Variants in PCDHA5 observed in about 807,000 individuals in gnomAD.
PCDHA5 encodes the protein protocadherin alpha-5.
PCDHA5 carries 43 observed loss-of-function variants against 61.6 expected under a neutral mutation model. That is an observed-to-expected ratio of 0.70 (90% CI 0.55 to 0.90). The LOEUF is 0.90. Among genes scored for constraint, PCDHA5 ranks in the 40% least tolerant of loss-of-function variants. The probability of loss-of-function intolerance (pLI) is 0.00; values close to 1 mark genes in which losing one functional copy is unlikely to be tolerated. For missense variants in PCDHA5, 1,298 were observed against 1,222.7 expected (o/e 1.06, Z -0.92); for synonymous variants, 627 against 543.9 (o/e 1.15, Z -2.13).
chr5:140,868,954 C>T (rs192231), intron 1 of PCDHA5: 649,749 of 1,346,616 alleles, frequency 0.48, 158,482 homozygotes, highest in South Asian at 0.57. Flanking sequence ...GTGAGGCACT[C>T]CCATACAAAG....
chr5:140,871,649 G>A (rs781859029), intron 1 of PCDHA5: 23 of 1,265,706 alleles, frequency 1.8e-5, no homozygotes, highest in Admixed American at 8.7e-5. Flanking sequence ...AATACCAAAT[G>A]ATACACATCT....
intron 3 of PCDHA5, among the ~76,000 whole-genome samples, chr5:141,006,156 TA>T (rs1554260585): frequency 6.6e-6 from 1 of 151,588 alleles, no homozygotes; most frequent in East Asian, 1.9e-4. Flanking sequence ...AGGAGTGATA[TA>T]ATCTGATTTA....
rs2096251750 is a variant in PCDHA5 at position 140,968,509 on chromosome 5, C to T, written c.2353-10440C>T. 3 of 1,614,162 alleles carry T rather than the reference C, an allele frequency of 1.9e-6. No individual in the cohort carries two copies. In the South Asian group the frequency reaches 3.3e-5, roughly 18 times the overall value. On this transcript the variant is annotated intron_variant, in intron 1 of 3. Coordinates refer to ENST00000529859, the MANE Select transcript of PCDHA5 (RefSeq NM_018908.3). Reference sequence around the variant, plus strand: ...ATGACCATGCCCCTCACATTCTGTACCCTACCTCAACCAACTCGTCAGCAG... The same window carrying T: ...ATGACCATGCCCCTCACATTCTGTATCCTACCTCAACCAACTCGTCAGCAG...
At chr5:140,852,255 T>A (rs1554145733) in intron 1 of PCDHA5, 1 of 511,528 alleles carries the variant, frequency 2.0e-6, no homozygotes, top group Middle Eastern at 9.9e-4. Context: ...ACTTTTGGAA[T>A]ATGCTACAAT....
At chr5:140,882,860 A>G in intron 1 of PCDHA5, 1 of 1,614,218 alleles carries the variant, frequency 6.2e-7, no homozygotes, top group Non-Finnish European at 8.5e-7. Context: ...TGTACTGAGG[A>G]AAACACTGGA....
chr5:140,939,311 C>A (rs972598257), intron 1 of PCDHA5, among the ~76,000 whole-genome samples: 1 of 152,130 alleles, frequency 6.6e-6, no homozygotes, highest in African/African-American at 2.4e-5. Flanking sequence ...AAAGCCCTAC[C>A]TCCTAATATC....
At chr5:140,855,892 G>T (rs1227119052) in intron 1 of PCDHA5, 2 of 1,011,396 alleles carry the variant, frequency 2.0e-6, no homozygotes, top group Non-Finnish European at 1.4e-6. Flanking sequence ...TAGAACAAAG[G>T]CATCAGCCAG....
intron 1 of PCDHA5, among the ~76,000 whole-genome samples, chr5:140,899,678 G>C (rs1554188694): frequency 6.6e-6 from 1 of 152,210 alleles, no homozygotes; most frequent in Non-Finnish European, 1.5e-5. Flanking sequence ...TTGGTATCAG[G>C]ATGATGCTGG....
chr5:140,967,368 A>G (rs2096133589), intron 1 of PCDHA5: 1 of 1,607,738 alleles, frequency 6.2e-7, no homozygotes, highest in Non-Finnish European at 8.5e-7. Flanking sequence ...AAGCCCCTGC[A>G]GGAGAACAGT....
At chr5:140,882,611 C>T in intron 1 of PCDHA5, 1 of 1,614,252 alleles carries the variant, frequency 6.2e-7, no homozygotes, top group Non-Finnish European at 8.5e-7. Context: ...CAGGCCTCTG[C>T]AGGTTTTCCA....
At chr5:140,987,227 A>T (rs1410526870) in intron 3 of PCDHA5, among the ~76,000 whole-genome samples, 2 of 151,696 alleles carry the variant, frequency 1.3e-5, no homozygotes, top group African/African-American at 4.8e-5. Context: ...AAAAAAAAAA[A>T]TAATAAATAA....
At chr5:140,972,797 G>A (rs1563419152) in intron 1 of PCDHA5, among the ~76,000 whole-genome samples, 3 of 151,664 alleles carry the variant, frequency 2.0e-5, no homozygotes, top group Admixed American at 2.0e-4. Flanking sequence ...CTGAGTAGCT[G>A]AGATTACAGG....
intron 1 of PCDHA5, among the ~76,000 whole-genome samples, chr5:140,953,627 T>C (rs1298172951): frequency 6.6e-6 from 1 of 152,178 alleles, no homozygotes; most frequent in Non-Finnish European, 1.5e-5. Context: ...ATTTGCTTTA[T>C]GTATTTTGGC....
rs375332226 is a variant in PCDHA5 at position 141,003,567 on chromosome 5, ACTCCCAAAGTG to A, written c.2501-6057_2501-6047del. Among the ~76,000 whole-genome samples, 186 of 152,020 alleles carry A rather than the reference ACTCCCAAAGTG, an allele frequency of 1.2e-3. 1 individual carries two copies. Among genetic ancestry groups the A allele is most frequent in the African/African-American group, 4.1e-3 (172 of 41,464 alleles). On this transcript the variant is annotated intron_variant, in intron 3 of 3. Coordinates refer to ENST00000529859, the MANE Select transcript of PCDHA5 (RefSeq NM_018908.3). ...GCTTCAAGTGATCCACCTGCCTCAGACTCCCAAAGTGCTGGGATTTTAGATGTGAGCCACCA... is the reference window on the plus strand; with the variant it reads ...GCTTCAAGTGATCCACCTGCCTCAGACTGGGATTTTAGATGTGAGCCACCA...
At chr5:140,850,216 A>G (rs1390676090) in intron 1 of PCDHA5, 5 of 1,593,446 alleles carry the variant, frequency 3.1e-6, no homozygotes, top group Non-Finnish European at 4.3e-6. Flanking sequence ...AGGGGCACTG[A>G]CGGCGCAGTG....
At chr5:140,994,394 T>G (rs1332946220) in intron 3 of PCDHA5, among the ~76,000 whole-genome samples, 3 of 152,110 alleles carry the variant, frequency 2.0e-5, no homozygotes, top group African/African-American at 7.2e-5. Flanking sequence ...AGTCAGAGAT[T>G]ATTTGACATT....
chr5:140,828,734 A>G (rs1554131491), intron 1 of PCDHA5: 1 of 1,614,248 alleles, frequency 6.2e-7, no homozygotes, highest in Non-Finnish European at 8.5e-7. Context: ...CCTGACAGCC[A>G]CAGATGGGGG....
In PCDHA5 at chr5:140,851,279, A is replaced by G. The variant is rs1554145338; in HGVS notation, c.2352+27152A>G. On this transcript the variant is annotated intron_variant, in intron 1 of 3. Transcript: ENST00000529859. ...ATTTTAGTCTACTTGTATTGTTTAT[A>G]AGAAACCCAAGCAAAAATATATAGC... 2.9e-6 allele frequency: 3 copies of G among 1,045,342 alleles called. 1 individual carries two copies. In the African/African-American group the frequency reaches 5.0e-5, roughly 17 times the overall value. The allele number at this position is 1,045,342 out of a possible 1,614,324, so 64.8% of individuals were successfully genotyped here.
chr5:140,869,126 G>T, intron 1 of PCDHA5: 2 of 1,611,852 alleles, frequency 1.2e-6, no homozygotes, highest in South Asian at 2.2e-5. Flanking sequence ...CAGAGAAGGG[G>T]ATTGGGCACC....
Sources: gnomAD v4.1 joint callset for allele counts (sites outside exome capture counted in the v4.1 genomes callset) on GRCh38, gnomAD v4.1.1 for gene constraint, MANE v1.5 for transcripts, NCBI Gene and HGNC (gene_info 2026-07-23, HGNC 2026-07-21) for gene names.